The following STAM2 variants were observed in gnomAD, a reference collection of about 807,000 sequenced individuals.
STAM2 encodes the protein signal transducing adapter molecule 2.
In STAM2, 51 loss-of-function variants were observed where a neutral mutation model predicts 65.6. The observed-to-expected ratio is 0.78, with a 90% CI of 0.62 to 0.98. STAM2 has a LOEUF of 0.98. Ranked by LOEUF, STAM2 falls within the 50% of genes least tolerant of loss-of-function variation. The probability of loss-of-function intolerance (pLI) is 0.00; values close to 1 mark genes in which losing one functional copy is unlikely to be tolerated. For missense variants in STAM2, 584 were observed against 617.8 expected (o/e 0.95, Z 0.58); for synonymous variants, 198 against 208.4 (o/e 0.95, Z 0.43).
intron 7 of STAM2, among the ~76,000 whole-genome samples, chr2:152,143,227 TA>T (rs1689281351): frequency 6.6e-6 from 1 of 152,206 alleles, no homozygotes; most frequent in African/African-American, 2.4e-5. Context: ...GTGTTATAAA[TA>T]ACTAAGTTAT....
Position 152,143,997 on chromosome 2 carries a change from C to G in STAM2, c.534G>C (p.Leu178=). ...EDIAKAIELS[L]QEQKQQHTET... is the part of the protein sequence containing the mutation. ...CTGTGTGTTGCTGTTTCTGTTCTTG[C>G]AGCGATAATTCAATAGCTAGTTTCA... The change falls in exon 7 of 14, where the codon CTG becomes CTC. Residue 178 remains leucine (L), a synonymous_variant. Coordinates refer to ENST00000263904, the MANE Select transcript of STAM2 (RefSeq NM_005843.6). 3 of 1,609,202 alleles carry G rather than the reference C, an allele frequency of 1.9e-6. No individual in the cohort carries two copies. The highest frequency in any genetic ancestry group is 2.5e-6 in the Non-Finnish European group (3 of 1,178,938).
At chr2:152,132,373 C>T (rs977131276) in intron 10 of STAM2, among the ~76,000 whole-genome samples, 14 of 152,138 alleles carry the variant, frequency 9.2e-5, no homozygotes, top group African/African-American at 3.4e-4. Flanking sequence ...AAAATAAAAA[C>T]CTCATTATGT....
At chr2:152,172,862 CAAAAAA>C (rs1400288847) in intron 1 of STAM2, among the ~76,000 whole-genome samples, 1 of 62,452 alleles carries the variant, frequency 1.6e-5, no homozygotes, top group Non-Finnish European at 3.4e-5. Flanking sequence ...AGATTCGTCT[CAAAAAA>C]AAAAAAAAAG....
In STAM2 at chr2:152,145,052, A is replaced by C. The variant is rs1027797480; in HGVS notation, c.448-95T>G. 11 of 948,802 alleles carry C rather than the reference A, an allele frequency of 1.2e-5. No homozygotes were observed. The African/African-American group carries it at 1.3e-4, about 11-fold the overall frequency. The allele number at this position is 948,802 out of a possible 1,614,324, so 58.8% of individuals were successfully genotyped here. A position where few individuals can be genotyped will look rare whatever the true frequency, so the allele number is the denominator to read the frequency against. On this transcript the variant is annotated intron_variant, in intron 5 of 13. Coordinates refer to ENST00000263904, the MANE Select transcript of STAM2 (RefSeq NM_005843.6). ...AGATGGTAAATTTTAAAAAATACTG[A>C]TATAACTGAGTTTCATTTAAAAGTG...
Position 152,148,124 on chromosome 2 carries a change from TATTA to T in STAM2, c.202-6_202-3del. The T allele has an allele frequency of 6.2e-7, 1 of 1,601,286 alleles. No individual in the cohort carries two copies. The highest frequency in any genetic ancestry group is 8.5e-7 in the Non-Finnish European group (1 of 1,174,924). ...GTTTGCCACACAAGCCCCAAGAAGC[TATTA>T]ATTGAAATAAAAATATATGAATATT... On this transcript the variant is annotated splice_polypyrimidine_tract_variant and splice_region_variant and intron_variant, in intron 3 of 13. Transcript: ENST00000263904.
chr2:152,157,523 A>G (rs895018472), intron 1 of STAM2, among the ~76,000 whole-genome samples: 6 of 152,212 alleles, frequency 3.9e-5, no homozygotes, highest in African/African-American at 1.4e-4. Context: ...AGGAAAAGCC[A>G]TATGAGGGCA....
chr2:152,135,636 C>G, intron 7 of STAM2, 33 bp from the exon 8 acceptor site: 1 of 1,395,934 alleles, frequency 7.2e-7, no homozygotes, highest in Non-Finnish European at 1.0e-6. Context: ...ATCATTTGTT[C>G]CCCACATTTT....
Position 152,135,539 on chromosome 2 carries a change from T to G in STAM2, c.769A>C (p.Thr257Pro). Residue 257 changes from threonine (T) to proline (P), a missense_variant, in exon 8 of 14, where the codon ACA becomes CCA. By Grantham distance (38) the Thr-to-Pro change is conservative. Transcript: ENST00000263904. ...GIGLFPSNFV[T>P]TNLNIETEAA... ...TCAGTCTCTATGTTTAAATTAGTTG[T>G]TACAAAATTGGATGGGAAAAGTCCT... The G allele has an allele frequency of 6.2e-7, 1 of 1,612,742 alleles. No homozygotes were observed. Among genetic ancestry groups the G allele is most frequent in the East Asian group, 2.2e-5 (1 of 44,760 alleles).
In STAM2 at chr2:152,172,735, G is replaced by T. The variant is rs533562964; in HGVS notation, c.40+2868C>A. 1.7e-3 allele frequency among the ~76,000 whole-genome samples: 253 copies of T among 152,014 alleles called. 1 individual carries two copies. Among genetic ancestry groups the T allele is most frequent in the African/African-American group, 5.4e-3 (222 of 41,452 alleles). ...AAATACAAAAAATTAGCCAGGTGTGGTGGTGCGCACCTGTAGTCCTAGCTA... is the reference window on the plus strand; with the variant it reads ...AAATACAAAAAATTAGCCAGGTGTGTTGGTGCGCACCTGTAGTCCTAGCTA... On this transcript the variant is annotated intron_variant, in intron 1 of 13. Transcript: ENST00000263904.
At chr2:152,153,614 A>G (rs1689486095) in intron 1 of STAM2, among the ~76,000 whole-genome samples, 1 of 152,150 alleles carries the variant, frequency 6.6e-6, no homozygotes, top group Non-Finnish European at 1.5e-5. Flanking sequence ...TTGCCTACTG[A>G]AAGTTCTAAA....
At position 152,120,736 on chromosome 2, in the gene STAM2, A is replaced by G. The variant is rs1407914664; in HGVS notation, c.1416T>C (p.Thr472=). The G allele has an allele frequency of 4.3e-6, 7 of 1,614,110 alleles. No homozygotes were observed. In the East Asian group the frequency reaches 1.1e-4, roughly 26 times the overall value. The change falls in exon 14 of 14, where the codon ACT becomes ACC. Residue 472 remains threonine, a synonymous_variant. Transcript: ENST00000263904. ...MNQNSNLQSA[T]GTTAYTQQMG... is the part of the protein sequence containing the mutation. ...TTTGCTGTGTGTAAGCAGTTGTACCAGTAGCTGACTGTAGGTTAGAGTTCT... is the reference window on the plus strand; with the variant it reads ...TTTGCTGTGTGTAAGCAGTTGTACCGGTAGCTGACTGTAGGTTAGAGTTCT...
intron 1 of STAM2, among the ~76,000 whole-genome samples, chr2:152,152,973 A>G (rs527329634): frequency 1.3e-5 from 2 of 152,228 alleles, no homozygotes; most frequent in Admixed American, 6.5e-5. Flanking sequence ...AATATTTTCA[A>G]TATCTTTTTT....
intron 7 of STAM2, among the ~76,000 whole-genome samples, chr2:152,140,974 C>A (rs1316697430): frequency 1.3e-5 from 2 of 150,458 alleles, no homozygotes; most frequent in African/African-American, 4.9e-5. Flanking sequence ...GTCTCTACCC[C>A]TAAAAATACA....
At position 152,127,926 on chromosome 2, in the gene STAM2, T is replaced by TA. The variant is rs1451884272; in HGVS notation, c.1026-1548dup. On this transcript the variant is annotated intron_variant, in intron 11 of 13. Coordinates refer to ENST00000263904, the MANE Select transcript of STAM2 (RefSeq NM_005843.6). ...TTTACTGAATGTGGTTCTTTCTACA[T>TA]AAACACAGAGAGGCAACAAGCAGAG... 2.6e-5 allele frequency among the ~76,000 whole-genome samples: 4 copies of TA among 152,040 alleles called. No individual in the cohort carries two copies. In the East Asian group the frequency reaches 7.7e-4, roughly 29 times the overall value.
Position 152,147,926 on chromosome 2 carries a change from C to A in STAM2, c.300+98G>T. ...TTTCATTTCAATGATCTAAAAATGA[C>A]TTCATTTATAATACTTTAGTAATGC... On this transcript the variant is annotated intron_variant, in intron 4 of 13. Transcript: ENST00000263904. 1.3e-5 allele frequency: 12 copies of A among 904,590 alleles called. No individual in the cohort carries two copies. In the South Asian group the frequency reaches 2.1e-4, roughly 16 times the overall value. The allele number at this position is 904,590 out of a possible 1,614,324, so 56.0% of individuals were successfully genotyped here. A position where few individuals can be genotyped will look rare whatever the true frequency, so the allele number is the denominator to read the frequency against.
chr2:152,130,933 T>G (rs960915505), intron 11 of STAM2, among the ~76,000 whole-genome samples: 1 of 146,446 alleles, frequency 6.8e-6, no homozygotes, highest in Non-Finnish European at 1.5e-5. Context: ...GAGGTGGAGG[T>G]TGCAGTGAGC....
At chr2:152,159,523 T>C (rs974002240) in intron 1 of STAM2, among the ~76,000 whole-genome samples, 4 of 152,080 alleles carry the variant, frequency 2.6e-5, no homozygotes, top group African/African-American at 7.2e-5. Flanking sequence ...TATGAATAAA[T>C]TGTATATATT....
intron 1 of STAM2, among the ~76,000 whole-genome samples, chr2:152,172,803 G>A (rs576723322): frequency 2.4e-4 from 36 of 151,464 alleles, no homozygotes; most frequent in African/African-American, 8.7e-4. Context: ...CCCGGGAGGC[G>A]GGGTTGCAGT....
At position 152,143,868 on chromosome 2, in the gene STAM2, G is replaced by A. The variant is rs1689292041; in HGVS notation, c.663C>T (p.Leu221=). ...TAATTATTTCACCATGTTTAAAGGT[G>A]AGTTCATTGTCCTCAACAGCTTCAA... ...YDFEAVEDNE[L]TFKHGEIIIV... Residue 221 remains leucine, a synonymous_variant, in exon 7 of 14, where the codon CTC becomes CTT. Coordinates refer to ENST00000263904, the MANE Select transcript of STAM2 (RefSeq NM_005843.6). 2 of 1,612,974 alleles carry A rather than the reference G, an allele frequency of 1.2e-6. No individual in the cohort carries two copies. The highest frequency in any genetic ancestry group is 1.7e-6 in the Non-Finnish European group (2 of 1,179,648).
Sources: allele counts gnomAD v4.1 joint callset (sites outside exome capture counted in the v4.1 genomes callset), GRCh38; gene constraint gnomAD v4.1.1; transcripts MANE v1.5; gene names NCBI Gene and HGNC (gene_info 2026-07-23, HGNC 2026-07-21).